Variants in FGD4 observed in about 807,000 individuals in gnomAD.
FGD4 encodes the protein FYVE, RhoGEF and PH domain containing 4.
A neutral mutation model predicts 102.0 loss-of-function variants in FGD4; 42 were observed. That is an observed-to-expected ratio of 0.41 (90% confidence interval 0.32 to 0.53). The LOEUF is 0.53. FGD4 is among the 20% of genes least tolerant of loss of function. FGD4 has a pLI of 0.21. For synonymous variants in FGD4, 380 were observed against 375.7 expected (o/e 1.01, Z -0.13); for missense variants, 902 against 1,078.2 (o/e 0.84, Z 2.29).
At chr12:32,538,746 A>AT (rs1224571256) in intron 1 of FGD4, among the ~76,000 whole-genome samples, 4 of 152,084 alleles carry the variant, frequency 2.6e-5, no homozygotes, top group Admixed American at 6.6e-5. Flanking sequence ...TGTGGCCAAG[A>AT]TTTTTTGCTA....
At chr12:32,481,157 A>T (rs1048302571) in intron 1 of FGD4, among the ~76,000 whole-genome samples, 5 of 148,004 alleles carry the variant, frequency 3.4e-5, no homozygotes, top group African/African-American at 4.9e-5. Flanking sequence ...AAAAAAAAAA[A>T]GCCGGGCGCA....
intron 1 of FGD4, chr12:32,534,443 AT>A (rs761622702): frequency 1.2e-5 from 19 of 1,526,756 alleles, no homozygotes; most frequent in Non-Finnish European, 1.7e-5. Flanking sequence ...ATATCTTTTT[AT>A]TAAACCAGAG....
intron 7 of FGD4, among the ~76,000 whole-genome samples, chr12:32,602,860 C>G (rs1042100311): frequency 6.6e-6 from 1 of 152,126 alleles, no homozygotes; most frequent in African/African-American, 2.4e-5. Flanking sequence ...ATCTAAGATT[C>G]TTGGCATGGG....
At chr12:32,558,572 T>G (rs1944297135) in intron 1 of FGD4, among the ~76,000 whole-genome samples, 1 of 152,184 alleles carries the variant, frequency 6.6e-6, no homozygotes, top group Admixed American at 6.5e-5. Flanking sequence ...GAAACAATAA[T>G]TCAAGAATGA....
intron 1 of FGD4, among the ~76,000 whole-genome samples, chr12:32,499,875 G>A (rs1938059435): frequency 6.6e-6 from 1 of 152,212 alleles, no homozygotes; most frequent in Non-Finnish European, 1.5e-5. Flanking sequence ...AAAATTAGCT[G>A]GGTGTGGTGG....
intron 1 of FGD4, among the ~76,000 whole-genome samples, chr12:32,520,440 G>GTTTTTTTTTTTTTTTTTTTTTTT (rs1167066001): frequency 2.2e-5 from 3 of 134,112 alleles, no homozygotes; most frequent in Non-Finnish European, 1.6e-5. Context: ...TTTGTTTTTT[G>GTTTTTTTTTTTTTTTTTTTTTTT]TTTTTTTTTT....
At chr12:32,602,079 C>T (rs748626459) in intron 6 of FGD4, 82 bp from the exon 7 acceptor site, 11 of 1,262,526 alleles carry the variant, frequency 8.7e-6, no homozygotes, top group Non-Finnish European at 1.3e-5. Flanking sequence ...AATGCCACTG[C>T]ACTACAGTCT....
intron 1 of FGD4, among the ~76,000 whole-genome samples, chr12:32,457,842 G>A (rs1355054703): frequency 6.6e-6 from 1 of 152,170 alleles, no homozygotes; most frequent in African/African-American, 2.4e-5. Flanking sequence ...AAGGGACCTT[G>A]GAGAGTATCT....
rs145009758 is a variant in FGD4, at chr12:32,623,802, T to A, written c.1923-620T>A. On this transcript the variant is annotated intron_variant, in intron 11 of 16. Coordinates refer to ENST00000534526, the MANE Select transcript of FGD4 (RefSeq NM_001370298.3). ...GAAACCTGACTACAGTCAAAGAAAT[T>A]TGTTTTCTAAGGATGATTACTAAAC... is the stretch of plus-strand genomic sequence containing the variant. Among the ~76,000 whole-genome samples, 321 of 152,330 alleles carry A rather than the reference T, an allele frequency of 2.1e-3. 1 individual carries two copies. Among genetic ancestry groups the A allele is most frequent in the African/African-American group, 7.3e-3 (304 of 41,588 alleles).
chr12:32,534,971 T>C (rs920117296), intron 1 of FGD4, among the ~76,000 whole-genome samples: 2 of 152,202 alleles, frequency 1.3e-5, no homozygotes, highest in Non-Finnish European at 2.9e-5. Context: ...GGGGAGTAAG[T>C]ATTATTTGTT....
rs529067409 is a variant in FGD4 at position 32,562,974 on chromosome 12, A to T, written c.167-1163A>T. On this transcript the variant is annotated intron_variant, in intron 1 of 16. Coordinates refer to ENST00000534526, the MANE Select transcript of FGD4 (RefSeq NM_001370298.3). ...GTGGCCGGGCAGAGGGGCTTCTCAC[A>T]TCCCAGTAGGGGCGGCCGGGCAGAG... 1.5e-4 allele frequency among the ~76,000 whole-genome samples: 23 copies of T among 149,554 alleles called. No homozygotes were observed. In the South Asian group the frequency reaches 4.5e-3, roughly 29 times the overall value.
At chr12:32,451,769 A>G (rs909909916) in intron 1 of FGD4, among the ~76,000 whole-genome samples, 4 of 132,874 alleles carry the variant, frequency 3.0e-5, no homozygotes, top group African/African-American at 8.4e-5. Flanking sequence ...TTAGCCGGGT[A>G]TAGTGGCAGT....
Position 32,480,690 on chromosome 12 carries a change from G to A in FGD4, c.166+80731G>A, listed in dbSNP as rs192818185. On this transcript the variant is annotated intron_variant, in intron 1 of 16. Transcript: ENST00000534526. The stretch of plus-strand genomic sequence containing the variant: ...TAATTTTTGTATTTTTAGTAGAGAC[G>A]GGGTTTCACCATGTTGGCCAGGATG... Among the ~76,000 whole-genome samples the A allele has an allele frequency of 4.8e-4, 73 of 151,506 alleles. 1 individual carries two copies. The East Asian group carries it at 0.011, about 22-fold the overall frequency.
chr12:32,447,412 T>C (rs1413935192), intron 1 of FGD4, among the ~76,000 whole-genome samples: 1 of 144,224 alleles, frequency 6.9e-6, no homozygotes, highest in Non-Finnish European at 1.6e-5. Flanking sequence ...TTATGGGGTG[T>C]GGTTGGTTGA....
intron 4 of FGD4, among the ~76,000 whole-genome samples, chr12:32,587,036 CA>C (rs1173863225): frequency 1.3e-5 from 2 of 151,738 alleles, no homozygotes; most frequent in African/African-American, 4.8e-5. Context: ...ACTAAAAATA[CA>C]AAAATTAGCT....
At chr12:32,553,046 G>A (rs902317082) in intron 1 of FGD4, among the ~76,000 whole-genome samples, 2 of 149,638 alleles carry the variant, frequency 1.3e-5, no homozygotes, top group Non-Finnish European at 3.0e-5. Flanking sequence ...CACCCGCCTC[G>A]GCCTCCCAAA....
intron 4 of FGD4, 21 bp from the exon 5 acceptor site, chr12:32,598,476 G>A: frequency 6.5e-7 from 1 of 1,542,332 alleles, no homozygotes; most frequent in Non-Finnish European, 8.9e-7. Context: ...CCTAATGTGT[G>A]AATATCTTTC....
intron 1 of FGD4, among the ~76,000 whole-genome samples, chr12:32,557,867 A>G (rs867847370): frequency 3.9e-5 from 6 of 152,266 alleles, no homozygotes; most frequent in Middle Eastern, 3.4e-3. Flanking sequence ...TCTGCAATCT[A>G]TGGGACAAAT....
Position 32,585,253 on chromosome 12 carries a change from TA to T in FGD4, c.1011+2787del, listed in dbSNP as rs1946929743. On this transcript the variant is annotated intron_variant, in intron 4 of 16. Coordinates refer to ENST00000534526, the MANE Select transcript of FGD4 (RefSeq NM_001370298.3). ...ATATATATATATATATATATATATA[TA>T]TATGTATATCTTAAAGGCAACTTTT... is the stretch of plus-strand genomic sequence containing the variant. 3.7e-5 allele frequency among the ~76,000 whole-genome samples: 5 copies of T among 136,694 alleles called. No homozygotes were observed. In the South Asian group the frequency reaches 1.1e-3, roughly 31 times the overall value. 89.7% of individuals were successfully genotyped at this position (136,694 alleles called of 152,430 possible).
Sources: allele counts gnomAD v4.1 joint callset (sites outside exome capture counted in the v4.1 genomes callset), GRCh38; gene constraint gnomAD v4.1.1; transcripts MANE v1.5; gene names NCBI Gene and HGNC (gene_info 2026-07-23, HGNC 2026-07-21).